Variants in PDE7A observed in about 807,000 individuals in gnomAD.
The protein encoded by PDE7A is high affinity 3',5'-cyclic-AMP phosphodiesterase 7A.
In PDE7A, 39 loss-of-function variants were observed where a neutral mutation model predicts 64.3. The observed-to-expected ratio is 0.61, with a 90% CI of 0.47 to 0.79. The LOEUF (loss-of-function observed/expected upper bound fraction) is 0.79. PDE7A is among the 30% of genes least tolerant of loss of function. The probability of loss-of-function intolerance (pLI) is 0.00; values close to 1 mark genes in which losing one functional copy is unlikely to be tolerated. For synonymous variants in PDE7A, 203 were observed against 206.8 expected, an observed-to-expected ratio of 0.98 and a Z score of 0.16; for missense variants, 470 against 582.8, an observed-to-expected ratio of 0.81 and a Z score of 1.99.
intron 2 of PDE7A, among the ~76,000 whole-genome samples, chr8:65,780,486 T>G (rs1421844114): frequency 6.6e-6 from 1 of 152,232 alleles, no homozygotes; most frequent in Non-Finnish European, 1.5e-5. Flanking sequence ...TGTGCCCACA[T>G]TACTTCCAGA....
rs552808882 is a variant in PDE7A, at chr8:65,757,262, G to A, written c.284-9459C>T. The stretch of plus-strand genomic sequence containing the variant: ...TGTTTTTCTTGAGGCCTGCTCCTGA[G>A]GCCTGACACACTCAACATTACAACA... On this transcript the variant is annotated intron_variant, in intron 3 of 12. Coordinates refer to ENST00000401827, the MANE Select transcript of PDE7A (RefSeq NM_001242318.3). Among the ~76,000 whole-genome samples the A allele has an allele frequency of 9.2e-5, 14 of 152,218 alleles. No individual in the cohort carries two copies. In the South Asian group the frequency reaches 2.9e-3, roughly 32 times the overall value.
intron 3 of PDE7A, among the ~76,000 whole-genome samples, chr8:65,777,136 G>A (rs2128923036): frequency 7.1e-6 from 1 of 141,464 alleles, no homozygotes; most frequent in East Asian, 2.1e-4. Context: ...AGACTGGAGT[G>A]CAATGCAATC....
chr8:65,794,748 G>A (rs997205155), intron 1 of PDE7A, among the ~76,000 whole-genome samples: 5 of 152,182 alleles, frequency 3.3e-5, no homozygotes, highest in Non-Finnish European at 5.9e-5. Flanking sequence ...TTAGGCACAA[G>A]GGAAATAATG....
Position 65,727,213 on chromosome 8 carries a change from G to A in PDE7A, c.785C>T (p.Pro262Leu). 1.2e-6 allele frequency: 2 copies of A among 1,613,100 alleles called. No homozygotes were observed. Among genetic ancestry groups the A allele is most frequent in the Non-Finnish European group, 1.7e-6 (2 of 1,179,192 alleles). Residue 262 changes from proline (P) to leucine (L), a missense_variant, in exon 8 of 13, where the codon CCT becomes CTT. Pro to Leu is a moderately conservative substitution (Grantham distance 98, BLOSUM62 -3). Transcript: ENST00000401827. ...GTAATGGTTAGTTTTAATAAGGAAA[G>A]GTTGATTAACACCTGGATGATCCAG... ...HDLDHPGVNQPFLIKTNHYLA... is the reference protein window; with the variant it reads ...HDLDHPGVNQLFLIKTNHYLA...
intron 7 of PDE7A, among the ~76,000 whole-genome samples, chr8:65,731,999 T>G (rs1169151712): frequency 6.6e-6 from 1 of 151,772 alleles, no homozygotes; most frequent in Non-Finnish European, 1.5e-5. Flanking sequence ...GTTGTTGTTG[T>G]TGTTGTTGTT....
intron 1 of PDE7A, among the ~76,000 whole-genome samples, chr8:65,813,365 A>G (rs1165818898): frequency 6.6e-6 from 1 of 152,170 alleles, no homozygotes; most frequent in Non-Finnish European, 1.5e-5. Flanking sequence ...TTAACAGCCT[A>G]AGCATCTTGA....
rs1807058358 is a variant in PDE7A at position 65,734,873 on chromosome 8, T to C, written c.617A>G (p.His206Arg). 6.2e-7 allele frequency: 1 copy of C among 1,610,272 alleles called. No homozygotes were observed. The highest frequency in any genetic ancestry group is 8.5e-7 in the Non-Finnish European group (1 of 1,176,594). ...RFLVMIQEDYHSQNPYHNAVH... is the reference protein window; with the variant it reads ...RFLVMIQEDYRSQNPYHNAVH... ...TGCGTTATGGTAAGGATTTTGACTG[T>C]GGTAATCTTCTTGAATCATAACTGC... Residue 206 changes from histidine to arginine, a missense_variant, in exon 7 of 13, where the codon CAC (histidine) becomes CGC (arginine). His to Arg is a conservative substitution (Grantham distance 29, BLOSUM62 0). Coordinates refer to ENST00000401827, the MANE Select transcript of PDE7A (RefSeq NM_001242318.3).
At chr8:65,820,293 G>A (rs973340554) in intron 1 of PDE7A, among the ~76,000 whole-genome samples, 9 of 152,252 alleles carry the variant, frequency 5.9e-5, no homozygotes, top group East Asian at 5.8e-4. Flanking sequence ...CTACTCAAGA[G>A]GCTGGGGTGG....
chr8:65,719,291 TATG>T lies in PDE7A; in HGVS notation c.1445_1447del (p.Ser482del), dbSNP rs1224539166. 6.2e-7 allele frequency: 1 copy of T among 1,611,302 alleles called. No homozygotes were observed. Among genetic ancestry groups the T allele is most frequent in the Admixed American group, 1.7e-5 (1 of 60,020 alleles). On this transcript the variant is annotated inframe_deletion, in exon 13 of 13. Coordinates refer to ENST00000401827, the MANE Select transcript of PDE7A (RefSeq NM_001242318.3). The stretch of plus-strand genomic sequence containing the variant: ...AGTTTGTCCCACTGGTTCTGGGGGT[TATG>T]ATAACCGATTTTCCTGAGGTAATAA...
chr8:65,765,487 T>TTA (rs1808732818), intron 3 of PDE7A: 1 of 19,516 alleles, frequency 5.1e-5, no homozygotes. Flanking sequence ...AGACTCCGTC[T>TTA]CAAAAAAAAA....
chr8:65,796,902 TGC>T, intron 1 of PDE7A, among the ~76,000 whole-genome samples: 1 of 152,262 alleles, frequency 6.6e-6, no homozygotes, highest in South Asian at 2.1e-4. Context: ...CTGTCTTTTG[TGC>T]AGACAACATG....
chr8:65,726,268 T>C (rs1806602569), intron 9 of PDE7A, among the ~76,000 whole-genome samples: 1 of 152,192 alleles, frequency 6.6e-6, no homozygotes. Flanking sequence ...TTATAAACCA[T>C]CACCATCGTG....
At position 65,779,811 on chromosome 8, in the gene PDE7A, G is replaced by C. The variant is rs1349681818; in HGVS notation, c.200-8C>G. On this transcript the variant is annotated splice_region_variant and splice_polypyrimidine_tract_variant and intron_variant, in intron 2 of 12. Transcript: ENST00000401827. ...TCCTTACACGTACATCTCCTGGACA[G>C]AATCAAGAATAAAACATAAGTTTAG... The C allele has an allele frequency of 6.5e-7, 1 of 1,545,600 alleles. No individual in the cohort carries two copies. Among genetic ancestry groups the C allele is most frequent in the Non-Finnish European group, 8.9e-7 (1 of 1,127,758 alleles).
At chr8:65,821,385 C>T (rs73242933) in intron 1 of PDE7A, among the ~76,000 whole-genome samples, 3,304 of 146,110 alleles carry the variant, frequency 0.023, 57 homozygotes, top group African/African-American at 0.054. Context: ...TTCCCTCCCC[C>T]CTAAACCAAG....
intron 3 of PDE7A, among the ~76,000 whole-genome samples, chr8:65,757,946 T>C (rs1808314953): frequency 6.6e-6 from 1 of 152,214 alleles, no homozygotes; most frequent in Non-Finnish European, 1.5e-5. Flanking sequence ...TAATATTTGA[T>C]TTCCCTCAAT....
intron 9 of PDE7A, among the ~76,000 whole-genome samples, 164 bp downstream of exon 9, chr8:65,726,711 G>T (rs896308626): frequency 6.6e-6 from 1 of 152,072 alleles, no homozygotes; most frequent in African/African-American, 2.4e-5. Context: ...CTATATAGTA[G>T]GATAGCTCTA....
At chr8:65,769,201 T>A (rs185968713) in intron 3 of PDE7A, among the ~76,000 whole-genome samples, 1 of 129,796 alleles carries the variant, frequency 7.7e-6, no homozygotes, top group Non-Finnish European at 1.5e-5. Flanking sequence ...TGTGCTAAGA[T>A]CACGCCACTG....
At chr8:65,794,557 A>C (rs921930029) in intron 1 of PDE7A, among the ~76,000 whole-genome samples, 7 of 152,218 alleles carry the variant, frequency 4.6e-5, no homozygotes, top group African/African-American at 1.7e-4. Context: ...ATTTTAAAAG[A>C]AGACTTCTGA....
At chr8:65,773,747 T>C (rs1809179012) in intron 3 of PDE7A, among the ~76,000 whole-genome samples, 1 of 152,194 alleles carries the variant, frequency 6.6e-6, no homozygotes, top group Non-Finnish European at 1.5e-5. Flanking sequence ...GTACATATCC[T>C]ATTTTAATTT....
Sources: allele counts gnomAD v4.1 joint callset (sites outside exome capture counted in the v4.1 genomes callset), GRCh38; gene constraint gnomAD v4.1.1; transcripts MANE v1.5; gene names NCBI Gene and HGNC (gene_info 2026-07-23, HGNC 2026-07-21).